The following ADGRG6 variants were observed in gnomAD, a reference collection of about 807,000 sequenced individuals.
ADGRG6 encodes the protein adhesion G protein-coupled receptor G6, also known as G-protein coupled receptor 126.
Under a neutral mutation model 142.4 loss-of-function variants are expected in ADGRG6, and 84 were observed. The ratio of observed to expected loss-of-function variants is 0.59; its 90% confidence interval spans 0.49 to 0.71. The LOEUF (loss-of-function observed/expected upper bound fraction) is 0.71, where lower values mean the gene tolerates loss of function less well. Ranked by LOEUF, ADGRG6 falls within the 30% of genes least tolerant of loss-of-function variation. ADGRG6 has a pLI of 0.00. For missense variants in ADGRG6, 1,367 were observed against 1,466.6 expected (o/e 0.93, Z 1.11); for synonymous variants, 521 against 520.5 (o/e 1.00, Z -0.01).
At chr6:142,333,729 A>G (rs116798700) in intron 2 of ADGRG6, among the ~76,000 whole-genome samples, 1,727 of 152,306 alleles carry the variant, frequency 0.011, 12 homozygotes, top group Middle Eastern at 0.078. Context: ...GATGAGATCA[A>G]TAATACCTAC....
intron 2 of ADGRG6, among the ~76,000 whole-genome samples, chr6:142,365,990 T>C (rs975105512): frequency 3.9e-5 from 6 of 152,230 alleles, no homozygotes; most frequent in Non-Finnish European, 7.3e-5. Context: ...TGTTTGAAAG[T>C]TTATGTGTCC....
intron 2 of ADGRG6, among the ~76,000 whole-genome samples, chr6:142,340,834 A>T (rs1779586999): frequency 6.6e-6 from 1 of 152,070 alleles, no homozygotes; most frequent in Admixed American, 6.6e-5. Context: ...TCTGACGTTA[A>T]GGTGTTTGAG....
chr6:142,401,579 G>C (rs1423493246), intron 11 of ADGRG6, among the ~76,000 whole-genome samples: 1 of 152,018 alleles, frequency 6.6e-6, no homozygotes, highest in African/African-American at 2.4e-5. Context: ...TAGAAATCAA[G>C]GCAAATCCCA....
Position 142,417,301 on chromosome 6 carries a change from T to C in ADGRG6, c.2967T>C (p.Val989=), listed in dbSNP as rs1448357647. The C allele has an allele frequency of 6.2e-7, 1 of 1,604,190 alleles. No individual in the cohort carries two copies. Among genetic ancestry groups the C allele is most frequent in the Non-Finnish European group, 8.5e-7 (1 of 1,172,336 alleles). The stretch of plus-strand genomic sequence containing the variant: ...TGCCTGCCTTAGTGGTGTCAGTTGT[T>C]CTAGCGAGCAGAAACAACAATGAAG... The part of the protein sequence containing the change: ...WGLPALVVSV[V]LASRNNNEVY... Residue 989 remains valine (V), a synonymous_variant, in exon 21 of 25, where the codon GTT becomes GTC. Transcript: ENST00000367609.
chr6:142,434,243 TAATA>T (rs1394208864), intron 22 of ADGRG6, among the ~76,000 whole-genome samples: 2 of 151,134 alleles, frequency 1.3e-5, no homozygotes, highest in African/African-American at 4.9e-5. Flanking sequence ...ATAATAGTAA[TAATA>T]AATATAATGC....
In ADGRG6 at chr6:142,334,262, A is replaced by G. The variant is rs9484622; in HGVS notation, c.103+24618A>G. On this transcript the variant is annotated intron_variant, in intron 2 of 24. Coordinates refer to ENST00000367609, the MANE Select transcript of ADGRG6 (RefSeq NM_198569.3). ...TTCACATAAAAAGCAGGGAATCAAA[A>G]ACAGTGTTTGGCTAAAGGAAAAAGG... Among the ~76,000 whole-genome samples the G allele has an allele frequency of 4.9e-3, 744 of 152,316 alleles. 10 individuals carry two copies. The highest frequency in any genetic ancestry group is 0.017 in the African/African-American group (706 of 41,570).
intron 2 of ADGRG6, 101 bp downstream of exon 2, chr6:142,309,745 CTT>C (rs66489806): frequency 1.7e-3 from 885 of 522,258 alleles, no homozygotes; most frequent in East Asian, 2.8e-3. Flanking sequence ...TACTTACTGC[CTT>C]TTTTTTTTTT....
At chr6:142,324,868 A>T (rs1278174130) in intron 2 of ADGRG6, among the ~76,000 whole-genome samples, 1 of 152,106 alleles carries the variant, frequency 6.6e-6, no homozygotes, top group Non-Finnish European at 1.5e-5. Context: ...GCCCAAAACT[A>T]AGAAAGTATA....
At chr6:142,328,013 G>A (rs1005282841) in intron 2 of ADGRG6, among the ~76,000 whole-genome samples, 2 of 151,922 alleles carry the variant, frequency 1.3e-5, no homozygotes, top group Admixed American at 1.3e-4. Flanking sequence ...TTACAGATAA[G>A]GAGACCAAAG....
intron 18 of ADGRG6, among the ~76,000 whole-genome samples, chr6:142,413,420 T>C (rs1252406176): frequency 1.3e-5 from 2 of 152,228 alleles, no homozygotes; most frequent in South Asian, 2.1e-4. Context: ...TTAGTACATT[T>C]TCATATTGGC....
At position 142,415,891 on chromosome 6, in the gene ADGRG6, C is replaced by T. The variant is rs755432845; in HGVS notation, c.2765C>T (p.Thr922Ile). 2 of 1,613,454 alleles carry T rather than the reference C, an allele frequency of 1.2e-6. No individual in the cohort carries two copies. Among genetic ancestry groups the T allele is most frequent in the East Asian group, 2.2e-5 (1 of 44,876 alleles). ...NLLFLLDGWITSFNVDGLCIA... is the reference protein window; with the variant it reads ...NLLFLLDGWIISFNVDGLCIA... ...CTCTTCCTCCTAGATGGCTGGATCACCTCCTTCAATGTGGATGGACTTTGC... is the reference window on the plus strand; with the variant it reads ...CTCTTCCTCCTAGATGGCTGGATCATCTCCTTCAATGTGGATGGACTTTGC... Residue 922 changes from threonine (T) to isoleucine (I), a missense_variant, in exon 20 of 25, where the codon ACC becomes ATC. By Grantham distance (89) the Thr-to-Ile change is moderately conservative (BLOSUM62 -1). Coordinates refer to ENST00000367609, the MANE Select transcript of ADGRG6 (RefSeq NM_198569.3).
At chr6:142,395,556 G>A (rs1003388125) in intron 9 of ADGRG6, among the ~76,000 whole-genome samples, 1 of 152,106 alleles carries the variant, frequency 6.6e-6, no homozygotes, top group Non-Finnish European at 1.5e-5. Context: ...CTTCTTGAAG[G>A]ACATTTAAAT....
intron 2 of ADGRG6, among the ~76,000 whole-genome samples, chr6:142,321,286 TAC>T (rs10632214): frequency 0.02 from 2,896 of 147,664 alleles, 78 homozygotes; most frequent in African/African-American, 0.059. Context: ...TAAGCATGCA[TAC>T]ACACACACAC....
chr6:142,430,029 TGA>T (rs1410567404), intron 22 of ADGRG6, among the ~76,000 whole-genome samples: 3 of 151,892 alleles, frequency 2.0e-5, no homozygotes, highest in East Asian at 3.9e-4. Flanking sequence ...CCAGCCTGGG[TGA>T]GAGAGTGAGA....
chr6:142,406,123 T>TAATAAATAA (rs2115033304), intron 15 of ADGRG6, among the ~76,000 whole-genome samples: 1 of 151,998 alleles, frequency 6.6e-6, no homozygotes, highest in African/African-American at 2.4e-5. Flanking sequence ...TTACTTTTAT[T>TAATAAATAA]AAATATTTTA....
intron 2 of ADGRG6, among the ~76,000 whole-genome samples, chr6:142,341,825 G>T (rs542146211): frequency 1.3e-5 from 2 of 150,414 alleles, no homozygotes; most frequent in South Asian, 4.2e-4. Flanking sequence ...GTCTCATTCT[G>T]TACCAATTAA....
chr6:142,347,608 C>T (rs961544173), intron 2 of ADGRG6, among the ~76,000 whole-genome samples: 1 of 151,926 alleles, frequency 6.6e-6, no homozygotes, highest in African/African-American at 2.4e-5. Context: ...TTGTAGTTGG[C>T]CCAGTACAGT....
chr6:142,369,828 C>A (rs939387862), intron 3 of ADGRG6, among the ~76,000 whole-genome samples: 1 of 152,046 alleles, frequency 6.6e-6, no homozygotes, highest in South Asian at 2.1e-4. Flanking sequence ...TTCCTGAAAC[C>A]AGTTATTTCC....
intron 2 of ADGRG6, among the ~76,000 whole-genome samples, chr6:142,313,882 C>CT (rs1474040404): frequency 1.3e-4 from 20 of 151,946 alleles, no homozygotes; most frequent in African/African-American, 4.3e-4. Context: ...TGAATGTCCC[C>CT]TTTTTAAAAA....
Sources: allele counts gnomAD v4.1 joint callset (sites outside exome capture counted in the v4.1 genomes callset), GRCh38; gene constraint gnomAD v4.1.1; transcripts MANE v1.5; gene names NCBI Gene and HGNC (gene_info 2026-07-23, HGNC 2026-07-21).